The following HESX1 variants were observed in gnomAD, a reference collection of about 807,000 sequenced individuals.
The protein encoded by HESX1 is homeobox expressed in ES cells 1.
Under a neutral mutation model 22.5 loss-of-function variants are expected in HESX1, and 11 were observed. That is an observed-to-expected ratio of 0.49 (90% CI 0.31 to 0.81). The LOEUF (loss-of-function observed/expected upper bound fraction) is 0.81. Ranked by LOEUF, HESX1 falls within the 30% of genes least tolerant of loss-of-function variation. The probability of loss-of-function intolerance (pLI) is 0.05; values close to 1 mark genes in which losing one functional copy is unlikely to be tolerated. For missense variants in HESX1, 201 were observed against 212.6 expected, an observed-to-expected ratio of 0.95 and a Z score of 0.34; for synonymous variants, 74 against 76.5, an observed-to-expected ratio of 0.97 and a Z score of 0.17.
chr3:57,200,097 C>T (rs972226952), upstream of HESX1: 28 of 622,118 alleles, frequency 4.5e-5, no homozygotes, highest in Admixed American at 5.4e-4. Flanking sequence ...AACACTTGCC[C>T]AGCCAGCAGC....
At chr3:57,206,544 T>G (rs2060520140) in intron 1 of HESX1, among the ~76,000 whole-genome samples, 1 of 152,200 alleles carries the variant, frequency 6.6e-6, no homozygotes, top group Non-Finnish European at 1.5e-5. Context: ...AGAAAATGTG[T>G]TTGTTCATCA....
At chr3:57,226,726 T>C (rs1270954127), upstream of HESX1, among the ~76,000 whole-genome samples, 1 of 152,236 alleles carries the variant, frequency 6.6e-6, no homozygotes, top group Non-Finnish European at 1.5e-5. Context: ...TAATCTTTAC[T>C]CAGCATCTCT....
At chr3:57,205,555 C>G in intron 1 of HESX1, among the ~76,000 whole-genome samples, 1 of 152,202 alleles carries the variant, frequency 6.6e-6, no homozygotes, top group Non-Finnish European at 1.5e-5. Context: ...TCCAGCCACA[C>G]TGGACTCTTC....
In HESX1 at chr3:57,198,430, G is replaced by C; in HGVS notation, c.420C>G (p.Asp140Glu). ...CCTCTAGATTCAATTTTTGAGCTAA[G>C]TCTTCTCTAATATCGATACCAGGAT... ...NCYPGIDIREDLAQKLNLEED... is the reference protein window; with the variant it reads ...NCYPGIDIREELAQKLNLEED... The change falls in exon 3 of 4, where the codon GAC becomes GAG. Residue 140 changes from aspartate to glutamate, a missense_variant. Physicochemically the swap from Asp to Glu is conservative, Grantham distance 45. Coordinates refer to ENST00000295934, the MANE Select transcript of HESX1 (RefSeq NM_003865.3). 1.2e-6 allele frequency: 2 copies of C among 1,608,002 alleles called. No homozygotes were observed. The highest frequency in any genetic ancestry group is 1.7e-6 in the Non-Finnish European group (2 of 1,174,886).
chr3:57,223,520 T>C (rs915157051), intron 1 of HESX1, among the ~76,000 whole-genome samples: 1 of 152,160 alleles, frequency 6.6e-6, no homozygotes, highest in African/African-American at 2.4e-5. Flanking sequence ...AGTGGCACAA[T>C]GAAGAACCAA....
chr3:57,201,875 ATATCTATCTATCTATCTATC>A (rs759735344), upstream of HESX1, among the ~76,000 whole-genome samples: 4 of 131,844 alleles, frequency 3.0e-5, no homozygotes, highest in African/African-American at 8.2e-5. Flanking sequence ...CTATCTATCT[ATATCTATCTATCTATCTATC>A]TATCTATCTA....
chr3:57,198,643 T>C (rs71311809), intron 2 of HESX1, 110 bp downstream of exon 2: 3 of 1,110,358 alleles, frequency 2.7e-6, no homozygotes, highest in Non-Finnish European at 4.1e-6. Flanking sequence ...TAGTCTACTG[T>C]TTCATTAATA....
intron 1 of HESX1, among the ~76,000 whole-genome samples, chr3:57,209,598 T>C (rs983068437): frequency 8.1e-5 from 12 of 148,892 alleles, no homozygotes; most frequent in Admixed American, 2.1e-4. Flanking sequence ...GATCACACCA[T>C]TGCACTCCAA....
At chr3:57,201,910 T>TCTAC (rs1553632864), upstream of HESX1, among the ~76,000 whole-genome samples, 38 of 151,808 alleles carry the variant, frequency 2.5e-4, no homozygotes, top group Non-Finnish European at 4.7e-4. Context: ...TATCTATCTA[T>TCTAC]CTATCTATCT....
At chr3:57,220,306 TTTTGTCCTG>T (rs1218949731) in intron 1 of HESX1, among the ~76,000 whole-genome samples, 1 of 152,208 alleles carries the variant, frequency 6.6e-6, no homozygotes, top group Non-Finnish European at 1.5e-5. Context: ...ACACATTGCT[TTTTGTCCTG>T]TTTATAGTGA....
In HESX1 at chr3:57,223,032, T is replaced by C. The variant is rs567835420; in HGVS notation, c.-111+3264A>G. Among the ~76,000 whole-genome samples the C allele has an allele frequency of 2.6e-5, 4 of 152,334 alleles. No individual in the cohort carries two copies. The South Asian group carries it at 8.3e-4, about 32-fold the overall frequency. On this transcript the variant is annotated intron_variant, in intron 1 of 2. Transcript: ENST00000495160. ...TGATAATGAAAAAGATAATTTTTACTGAATGCTTATTGCGCTAGGAGCTAC... is the reference window on the plus strand; with the variant it reads ...TGATAATGAAAAAGATAATTTTTACCGAATGCTTATTGCGCTAGGAGCTAC...
At chr3:57,227,041 A>C (rs1246304854), upstream of HESX1, among the ~76,000 whole-genome samples, 1 of 152,246 alleles carries the variant, frequency 6.6e-6, no homozygotes, top group Admixed American at 6.5e-5. Context: ...TAACATAATT[A>C]ATCAGTGTAT....
chr3:57,207,273 T>A (rs563627630), intron 1 of HESX1, among the ~76,000 whole-genome samples: 1 of 152,110 alleles, frequency 6.6e-6, no homozygotes, highest in Non-Finnish European at 1.5e-5. Flanking sequence ...TAGGTAAAGG[T>A]TAACAATGAC....
At chr3:57,211,546 A>AAAAAAG (rs2060554069) in intron 1 of HESX1, among the ~76,000 whole-genome samples, 1 of 147,166 alleles carries the variant, frequency 6.8e-6, no homozygotes, top group Non-Finnish European at 1.5e-5. Flanking sequence ...AAAAAAAAAA[A>AAAAAAG]AAAAAGCCAG....
At chr3:57,217,606 C>A (rs1456990532) in intron 1 of HESX1, among the ~76,000 whole-genome samples, 2 of 152,126 alleles carry the variant, frequency 1.3e-5, no homozygotes, top group Non-Finnish European at 2.9e-5. Context: ...ACACCCCAGA[C>A]CTAGCCATGC....
At chr3:57,216,941 C>T (rs1214676054) in intron 1 of HESX1, among the ~76,000 whole-genome samples, 1 of 152,094 alleles carries the variant, frequency 6.6e-6, no homozygotes, top group African/African-American at 2.4e-5. Context: ...CAGTTTCCTA[C>T]TTTAATAGGT....
chr3:57,201,875 A>ATCTATATC (rs796249286), upstream of HESX1, among the ~76,000 whole-genome samples: 76 of 131,922 alleles, frequency 5.8e-4, no homozygotes, highest in African/African-American at 1.5e-3. Context: ...CTATCTATCT[A>ATCTATATC]TATCTATCTA....
chr3:57,207,420 T>C (rs2060525979), intron 1 of HESX1, among the ~76,000 whole-genome samples: 1 of 152,268 alleles, frequency 6.6e-6, no homozygotes, highest in African/African-American at 2.4e-5. Context: ...CATTTTCTCT[T>C]TTCTACTGTC....
chr3:57,221,202 G>A (rs1023055370), intron 1 of HESX1, among the ~76,000 whole-genome samples: 4 of 150,362 alleles, frequency 2.7e-5, no homozygotes, highest in African/African-American at 4.9e-5. Context: ...CACCCATGCT[G>A]GAGTGCAGCC....
Sources: allele counts gnomAD v4.1 joint callset (sites outside exome capture counted in the v4.1 genomes callset), GRCh38; gene constraint gnomAD v4.1.1; transcripts MANE v1.5; gene names NCBI Gene and HGNC (gene_info 2026-07-23, HGNC 2026-07-21).